DDX17: variants seen among roughly 807,000 people sequenced by gnomAD.
DDX17 encodes the protein DEAD-box helicase 17.
A neutral mutation model predicts 80.8 loss-of-function variants in DDX17; 10 were observed. The observed-to-expected ratio is 0.12, with a 90% CI of 0.08 to 0.21. The LOEUF is 0.21. Ranked by LOEUF, DDX17 falls within the 10% of genes least tolerant of loss-of-function variation. The pLI is 1.00. For missense variants in DDX17, 586 were observed against 957.4 expected, an observed-to-expected ratio of 0.61 and a Z score of 5.12; for synonymous variants, 339 against 336.2, an observed-to-expected ratio of 1.01 and a Z score of -0.09.
At chr22:38,501,905 G>C (rs2089834508) in intron 1 of DDX17, among the ~76,000 whole-genome samples, 2 of 152,196 alleles carry the variant, frequency 1.3e-5, no homozygotes, top group African/African-American at 4.8e-5. Flanking sequence ...GCAGGCAAAG[G>C]ATGACATTAA....
chr22:38,485,837 A>AG lies in DDX17; in HGVS notation c.*97dup. 1 of 1,406,986 alleles carries AG rather than the reference A, an allele frequency of 7.1e-7. No homozygotes were observed. The highest frequency in any genetic ancestry group is 9.3e-7 in the Non-Finnish European group (1 of 1,078,324). 87.2% of individuals were successfully genotyped at this position (1,406,986 alleles called of 1,614,324 possible). A position where few individuals can be genotyped will look rare whatever the true frequency, so the allele number is the denominator to read the frequency against. On this transcript the variant is annotated 3_prime_UTR_variant, in exon 13 of 13. Coordinates refer to ENST00000403230, the MANE Select transcript of DDX17 (RefSeq NM_006386.5). ...AAAATTAAAAAAAAAAAAAGAAAAA[A>AG]GGAAAAAAAAAGAAAAGGCGAAGAG...
intron 10 of DDX17, among the ~76,000 whole-genome samples, chr22:38,492,675 G>A (rs528441580): frequency 1.4e-4 from 22 of 152,136 alleles, no homozygotes; most frequent in Middle Eastern, 3.4e-3. Context: ...TAGTAGAGAC[G>A]GGGTTTCTCC....
chr22:38,501,132 G>C lies in DDX17; in HGVS notation c.436C>G (p.Pro146Ala), dbSNP rs1290934301. The C allele has an allele frequency of 6.2e-7, 1 of 1,613,520 alleles. No individual in the cohort carries two copies. The highest frequency in any genetic ancestry group is 1.7e-5 in the Admixed American group (1 of 59,864). The change falls in exon 2 of 13, where the codon CCA becomes GCA. Residue 146 changes from proline (P) to alanine (A), a missense_variant and splice_region_variant. Pro to Ala is a conservative substitution (Grantham distance 27). Transcript: ENST00000403230. Reference sequence around the variant, plus strand: ...TTAAAACACACATGTAAACTTACTGGTGTCAGCCTTGCTACTTCCGGATGT... The same window carrying C: ...TTAAAACACACATGTAAACTTACTGCTGTCAGCCTTGCTACTTCCGGATGT...
intron 9 of DDX17, 22 bp downstream of exon 9, chr22:38,493,995 GTTAA>G (rs771199225): frequency 7.6e-5 from 118 of 1,550,050 alleles, no homozygotes; most frequent in Non-Finnish European, 9.8e-5. Flanking sequence ...AAAACCAGAG[GTTAA>G]TTGCCTTGGT....
In DDX17 at chr22:38,494,485, A is replaced by C. The variant is rs535985098; in HGVS notation, c.1214+145T>G. The C allele has an allele frequency of 1.2e-4, 93 of 745,492 alleles. 1 individual carries two copies. In the South Asian group the frequency reaches 1.7e-3, roughly 14 times the overall value. The allele number at this position is 745,492 out of a possible 1,614,324, so 46.2% of individuals were successfully genotyped here. A position where few individuals can be genotyped will look rare whatever the true frequency, so the allele number is the denominator to read the frequency against. ...TTTAACCATAATGCTCTGACAAATGATATGATGATGGATTATCAGAAACCT... is the reference window on the plus strand; with the variant it reads ...TTTAACCATAATGCTCTGACAAATGCTATGATGATGGATTATCAGAAACCT... On this transcript the variant is annotated intron_variant, in intron 8 of 12. Coordinates refer to ENST00000403230, the MANE Select transcript of DDX17 (RefSeq NM_006386.5).
intron 11 of DDX17, chr22:38,491,848 T>TA: frequency 2.4e-6 from 1 of 411,826 alleles, no homozygotes; most frequent in Admixed American, 6.5e-5. Flanking sequence ...ACTTTGAAAA[T>TA]AAAAGGGGGG....
rs1287457718 is a variant in DDX17, at chr22:38,486,269, T to C, written c.1856A>G (p.Tyr619Cys). The change falls in exon 13 of 13, where the codon TAT becomes TGT. Residue 619 changes from tyrosine to cysteine, a missense_variant. Physicochemically the swap from Tyr to Cys is radical, Grantham distance 194. Transcript: ENST00000403230. The stretch of plus-strand genomic sequence containing the variant: ...TCCAAAGGCAGAATTTGGACTTCCA[T>C]AGCCACTGCCATTAGCATAACCAGC... 12 of 1,614,222 alleles carry C rather than the reference T, an allele frequency of 7.4e-6. No individual in the cohort carries two copies. The highest frequency in any genetic ancestry group is 1.0e-5 in the Non-Finnish European group (12 of 1,180,034).
intron 5 of DDX17, among the ~76,000 whole-genome samples, chr22:38,497,297 CAAAAA>C (rs138448): frequency 8.3e-5 from 3 of 36,182 alleles, no homozygotes; most frequent in African/African-American, 1.3e-4. Context: ...AACTCCATCT[CAAAAA>C]AAAAAAAAAA....
rs1427726613 is a variant in DDX17, at chr22:38,486,323, C to T, written c.1802G>A (p.Ser601Asn). 3 of 1,614,108 alleles carry T rather than the reference C, an allele frequency of 1.9e-6. No individual in the cohort carries two copies. The highest frequency in any genetic ancestry group is 2.5e-6 in the Non-Finnish European group (3 of 1,180,052). The change falls in exon 13 of 13, where the codon AGC becomes AAC. Residue 601 changes from serine (S) to asparagine (N), a missense_variant. Ser to Asn is a conservative substitution (Grantham distance 46). Coordinates refer to ENST00000403230, the MANE Select transcript of DDX17 (RefSeq NM_006386.5). ...ATCGGTTTCACTACGATCCCGATAGCTTGCAGAGTCTCTCCGGCCACCATC... is the reference window on the plus strand; with the variant it reads ...ATCGGTTTCACTACGATCCCGATAGTTTGCAGAGTCTCTCCGGCCACCATC...
chr22:38,504,577 C>T (rs537599327), intron 1 of DDX17, among the ~76,000 whole-genome samples: 5 of 152,294 alleles, frequency 3.3e-5, no homozygotes, highest in Admixed American at 6.5e-5. Context: ...AACATTCCAC[C>T]TCTCATCCTC....
chr22:38,486,013 G>A lies in DDX17; in HGVS notation c.2112C>T (p.Thr704=). ...TCTGCCCCATGTAACCTATCATATT[G>A]GTAGCTCCCGGAGGCTGTGCAAACT... The change falls in exon 13 of 13, where the codon ACC becomes ACT. Residue 704 remains threonine, a synonymous_variant. Coordinates refer to ENST00000403230, the MANE Select transcript of DDX17 (RefSeq NM_006386.5). The A allele has an allele frequency of 6.2e-7, 1 of 1,613,974 alleles. No individual in the cohort carries two copies. Among genetic ancestry groups the A allele is most frequent in the Non-Finnish European group, 8.5e-7 (1 of 1,179,986 alleles).
intron 11 of DDX17, chr22:38,491,682 C>T (rs2089714917): frequency 5.4e-6 from 1 of 186,362 alleles, no homozygotes; most frequent in Non-Finnish European, 1.1e-5. Flanking sequence ...AACTAGCTTA[C>T]AATAGCTAGG....
intron 11 of DDX17, chr22:38,490,444 A>AAAAC: frequency 7.8e-7 from 1 of 1,289,278 alleles, no homozygotes; most frequent in Non-Finnish European, 1.0e-6. Context: ...CTTCTGTTAA[A>AAAAC]AAACAAAACA....
intron 1 of DDX17, among the ~76,000 whole-genome samples, chr22:38,504,747 C>T (rs2089863002): frequency 1.3e-5 from 2 of 152,172 alleles, no homozygotes; most frequent in African/African-American, 2.4e-5. Context: ...TAACAGAGCG[C>T]CTACTACAGT....
Position 38,489,636 on chromosome 22 carries a change from TAGC to T in DDX17, c.1448-1524_1448-1522del. On this transcript the variant is annotated intron_variant, in intron 11 of 12. Coordinates refer to ENST00000403230, the MANE Select transcript of DDX17 (RefSeq NM_006386.5). The surrounding 1 kb of genome is among the most constrained non-coding windows in gnomAD (Gnocchi z 4.6). ...AAAGGGGAGATTAAAAAAAAAAAAT[TAGC>T]TGTTGTTACAGGGCTTGTGAAGAAG... 1.0e-6 allele frequency: 1 copy of T among 984,718 alleles called. No homozygotes were observed. Among genetic ancestry groups the T allele is most frequent in the Non-Finnish European group, 1.2e-6 (1 of 829,558 alleles). 61.0% of individuals were successfully genotyped at this position (984,718 alleles called of 1,614,324 possible). A position where few individuals can be genotyped will look rare whatever the true frequency, so the allele number is the denominator to read the frequency against.
At chr22:38,495,713 A>T in intron 6 of DDX17, 83 bp downstream of exon 6, 1 of 1,199,174 alleles carries the variant, frequency 8.3e-7, no homozygotes. Flanking sequence ...TATCACAAGA[A>T]CCCACTTTTT....
At chr22:38,505,908 C>A in intron 1 of DDX17, 43 bp downstream of exon 1, 1 of 1,530,706 alleles carries the variant, frequency 6.5e-7, no homozygotes, top group South Asian at 1.2e-5. Flanking sequence ...AAGCAACTCC[C>A]CCACCCCCAC....
chr22:38,504,640 T>G (rs1172037785), intron 1 of DDX17, among the ~76,000 whole-genome samples: 1 of 152,186 alleles, frequency 6.6e-6, no homozygotes, highest in Non-Finnish European at 1.5e-5. Flanking sequence ...ATCAAAATAA[T>G]TTTGTAAAAA....
At chr22:38,493,906 G>A (rs2089736658) in intron 9 of DDX17, 115 bp downstream of exon 9, 2 of 1,203,034 alleles carry the variant, frequency 1.7e-6, no homozygotes, top group African/African-American at 1.5e-5. Flanking sequence ...CTCATTAAAA[G>A]AGCAAACTGC....
Sources: allele counts gnomAD v4.1 joint callset (sites outside exome capture counted in the v4.1 genomes callset), GRCh38; gene constraint gnomAD v4.1.1; non-coding constraint Gnocchi (gnomAD v3.1); transcripts MANE v1.5; gene names NCBI Gene and HGNC (gene_info 2026-07-23, HGNC 2026-07-21).